The following ATP9B variants were observed in gnomAD, a reference collection of about 807,000 sequenced individuals.
The protein encoded by ATP9B is ATPase phospholipid transporting 9B.
A neutral mutation model predicts 146.1 loss-of-function variants in ATP9B; 110 were observed. The observed-to-expected ratio is 0.75, with a 90% CI of 0.65 to 0.88. The LOEUF (loss-of-function observed/expected upper bound fraction) is 0.88, where lower values mean the gene tolerates loss of function less well. Among genes scored for constraint, ATP9B ranks in the 40% least tolerant of loss-of-function variants. ATP9B has a pLI of 0.00. For synonymous variants in ATP9B, 604 were observed against 569.7 expected, an observed-to-expected ratio of 1.06 and a Z score of -0.86; for missense variants, 1,499 against 1,496.4, an observed-to-expected ratio of 1.00 and a Z score of -0.03.
At chr18:79,363,296 CAA>C (rs1381581518) in intron 26 of ATP9B, 1 of 152,120 alleles carries the variant, frequency 6.6e-6, no homozygotes, top group Non-Finnish European at 1.5e-5. Flanking sequence ...GTACCTCTAA[CAA>C]AATACACCCA....
intron 11 of ATP9B, among the ~76,000 whole-genome samples, chr18:79,251,365 C>G (rs191685094): frequency 1.3e-5 from 2 of 152,294 alleles, no homozygotes; most frequent in Admixed American, 1.3e-4. Context: ...TGCTGACTGT[C>G]GGCCACAGGA....
chr18:79,169,468 T>C (rs1167418691), intron 7 of ATP9B, among the ~76,000 whole-genome samples: 1 of 152,222 alleles, frequency 6.6e-6, no homozygotes, highest in Non-Finnish European at 1.5e-5. Context: ...CTGGCTGGAC[T>C]GTGTGAAAGC....
chr18:79,163,398 A>G (rs1377246408), intron 7 of ATP9B, among the ~76,000 whole-genome samples: 2 of 152,244 alleles, frequency 1.3e-5, no homozygotes, highest in African/African-American at 4.8e-5. Context: ...CACAGAATAC[A>G]GGAAATTTAT....
chr18:79,294,591 G>T (rs1189172350), intron 13 of ATP9B, among the ~76,000 whole-genome samples: 1 of 152,202 alleles, frequency 6.6e-6, no homozygotes, highest in Non-Finnish European at 1.5e-5. Flanking sequence ...AGTAAAAGAG[G>T]CTCAAGAGAC....
intron 1 of ATP9B, among the ~76,000 whole-genome samples, chr18:79,079,599 C>T (rs1422985211): frequency 3.9e-5 from 6 of 152,152 alleles, no homozygotes; most frequent in Non-Finnish European, 5.9e-5. Flanking sequence ...TATAGGTTGC[C>T]TGTTCACTCT....
intron 7 of ATP9B, among the ~76,000 whole-genome samples, chr18:79,169,642 A>T (rs1490688078): frequency 1.3e-5 from 2 of 152,356 alleles, no homozygotes; most frequent in East Asian, 3.8e-4. Flanking sequence ...ACATTTGTTA[A>T]TTATGAATAC....
chr18:79,219,466 T>TA (rs1366472036), intron 11 of ATP9B, among the ~76,000 whole-genome samples: 1 of 152,116 alleles, frequency 6.6e-6, no homozygotes, highest in African/African-American at 2.4e-5. Flanking sequence ...TAGGGGGTCT[T>TA]ACAAATAAAA....
rs1338042492 is a variant in ATP9B at position 79,112,114 on chromosome 18, G to A, written c.445-1127G>A. ...CTGATTTTGAGTCCCACACATTGCC[G>A]TATGATGATGCAGATAACCTCATTT... is the stretch of plus-strand genomic sequence containing the variant. On this transcript the variant is annotated intron_variant, in intron 3 of 29. Coordinates refer to ENST00000426216, the MANE Select transcript of ATP9B (RefSeq NM_198531.5). Among the ~76,000 whole-genome samples the A allele has an allele frequency of 3.3e-5, 5 of 152,262 alleles. No homozygotes were observed. The South Asian group carries it at 8.3e-4, about 25-fold the overall frequency.
At chr18:79,368,557 G>C (rs2097049440) in intron 26 of ATP9B, among the ~76,000 whole-genome samples, 1 of 152,076 alleles carries the variant, frequency 6.6e-6, no homozygotes, top group Non-Finnish European at 1.5e-5. Flanking sequence ...CATTTAACCT[G>C]TCCTGTAATA....
At chr18:79,118,067 A>G (rs1228863067) in intron 4 of ATP9B, 1 of 152,190 alleles carries the variant, frequency 6.6e-6, no homozygotes, top group African/African-American at 2.4e-5. Context: ...AAAGTGTTTC[A>G]TTGTATAAAT....
chr18:79,104,115 G>A (rs889635082), intron 2 of ATP9B, among the ~76,000 whole-genome samples: 1 of 152,132 alleles, frequency 6.6e-6, no homozygotes, highest in African/African-American at 2.4e-5. Context: ...GGATAAGGAC[G>A]CGTGGCCCGA....
At chr18:79,293,050 C>G (rs968256002) in intron 13 of ATP9B, among the ~76,000 whole-genome samples, 1 of 151,616 alleles carries the variant, frequency 6.6e-6, no homozygotes, top group African/African-American at 2.4e-5. Flanking sequence ...AATCCAAACA[C>G]TTACGGTCAT....
At chr18:79,279,749 G>C (rs534132661) in intron 13 of ATP9B, among the ~76,000 whole-genome samples, 1 of 152,160 alleles carries the variant, frequency 6.6e-6, no homozygotes, top group East Asian at 1.9e-4. Flanking sequence ...ATACATAGGC[G>C]TACTGTCTTC....
At chr18:79,359,298 C>G in intron 25 of ATP9B, 56 bp from the exon 26 acceptor site, 2 of 1,352,552 alleles carry the variant, frequency 1.5e-6, no homozygotes, top group Non-Finnish European at 2.1e-6. Context: ...AGGTCTGTTT[C>G]TAGCTGTGTG....
chr18:79,210,652 T>C (rs1003389037), intron 10 of ATP9B, among the ~76,000 whole-genome samples: 7 of 152,222 alleles, frequency 4.6e-5, no homozygotes, highest in Non-Finnish European at 8.8e-5. Context: ...CAGTGCTCAG[T>C]GTCTGCCTTG....
At chr18:79,227,220 C>T (rs182256890) in intron 11 of ATP9B, among the ~76,000 whole-genome samples, 1 of 152,030 alleles carries the variant, frequency 6.6e-6, no homozygotes, top group South Asian at 2.1e-4. Flanking sequence ...GTTCCAGACT[C>T]ATCTTGTACT....
rs528071324 is a variant in ATP9B at position 79,336,314 on chromosome 18, G to A, written c.2029-314G>A. 6.6e-5 allele frequency among the ~76,000 whole-genome samples: 10 copies of A among 152,350 alleles called. No individual in the cohort carries two copies. The South Asian group carries it at 8.3e-4, about 13-fold the overall frequency. ...CAGGGTATGATTTTTTGAAAAGCCC[G>A]TGCTGTGGTAAAAAGAAGCTCTGCT... On this transcript the variant is annotated intron_variant, in intron 17 of 29. Coordinates refer to ENST00000426216, the MANE Select transcript of ATP9B (RefSeq NM_198531.5).
intron 12 of ATP9B, among the ~76,000 whole-genome samples, chr18:79,267,202 A>T (rs900591164): frequency 1.3e-4 from 20 of 152,168 alleles, no homozygotes; most frequent in African/African-American, 4.8e-4. Context: ...TTTTATTTAC[A>T]ACAGTTTGTT....
chr18:79,286,473 C>A (rs2096443274), intron 13 of ATP9B, among the ~76,000 whole-genome samples: 1 of 151,968 alleles, frequency 6.6e-6, no homozygotes, highest in Non-Finnish European at 1.5e-5. Flanking sequence ...GATTTTGTAT[C>A]CTGAGACTTT....
Sources: allele counts gnomAD v4.1 joint callset (sites outside exome capture counted in the v4.1 genomes callset), GRCh38; gene constraint gnomAD v4.1.1; transcripts MANE v1.5; gene names NCBI Gene and HGNC (gene_info 2026-07-23, HGNC 2026-07-21).